The following ARHGAP24 variants were observed in gnomAD, a reference collection of about 807,000 sequenced individuals.
ARHGAP24 encodes the protein rho GTPase-activating protein 24.
A neutral mutation model predicts 76.4 loss-of-function variants in ARHGAP24; 50 were observed. The ratio of observed to expected loss-of-function variants is 0.65; its 90% CI spans 0.52 to 0.83. The LOEUF is 0.83. Ranked by LOEUF, ARHGAP24 falls within the 40% of genes least tolerant of loss-of-function variation. ARHGAP24 has a pLI of 0.00. For missense variants in ARHGAP24, 930 were observed against 914.2 expected (o/e 1.02, Z -0.22); for synonymous variants, 345 against 323.3 (o/e 1.07, Z -0.72).
At chr4:85,494,992 A>G (rs1307636195) in intron 1 of ARHGAP24, among the ~76,000 whole-genome samples, 1 of 149,624 alleles carries the variant, frequency 6.7e-6, no homozygotes, top group Non-Finnish European at 1.5e-5. Flanking sequence ...CAGCTACTCG[A>G]GAGGCTGAGG....
At chr4:85,693,696 A>G (rs888546748) in intron 2 of ARHGAP24, among the ~76,000 whole-genome samples, 3 of 152,200 alleles carry the variant, frequency 2.0e-5, no homozygotes, top group African/African-American at 7.2e-5. Context: ...TAGCCAGGCA[A>G]GGGCCCTGGG....
chr4:86,000,311 C>A (rs999237518), intron 9 of ARHGAP24, 168 bp from the exon 10 acceptor site: 1 of 598,250 alleles, frequency 1.7e-6, no homozygotes, highest in Non-Finnish European at 3.0e-6. Flanking sequence ...TAAAATAATA[C>A]AACAAAATTA....
At chr4:85,839,426 C>T (rs975339407) in intron 3 of ARHGAP24, among the ~76,000 whole-genome samples, 4 of 152,040 alleles carry the variant, frequency 2.6e-5, no homozygotes, top group African/African-American at 9.7e-5. Flanking sequence ...AGCTTTAAAC[C>T]TGAATATGTC....
chr4:85,578,213 G>A (rs924176452), intron 2 of ARHGAP24, among the ~76,000 whole-genome samples: 1 of 152,254 alleles, frequency 6.6e-6, no homozygotes, highest in South Asian at 2.1e-4. Context: ...CTAGTCCCTG[G>A]AAAAATTATG....
intron 3 of ARHGAP24, among the ~76,000 whole-genome samples, chr4:85,858,680 A>G (rs1346705746): frequency 6.6e-6 from 1 of 152,100 alleles, no homozygotes; most frequent in African/African-American, 2.4e-5. Context: ...CTAAGAAGCA[A>G]TGTCTTGTAA....
At chr4:85,874,224 G>C (rs2601863) in intron 3 of ARHGAP24, among the ~76,000 whole-genome samples, 57,890 of 152,004 alleles carry the variant, frequency 0.38, 11,530 homozygotes, top group African/African-American at 0.47. Context: ...TCAGTCCTTC[G>C]CAGCTTTGAA....
intron 4 of ARHGAP24, among the ~76,000 whole-genome samples, chr4:85,933,121 GCCTGGGTT>G (rs1736442419): frequency 6.6e-6 from 1 of 152,070 alleles, no homozygotes. Context: ...TCAAGAAGTG[GCCTGGGTT>G]TCTGCGTTCC....
At chr4:85,618,619 T>C (rs1014195936) in intron 2 of ARHGAP24, among the ~76,000 whole-genome samples, 26 of 152,088 alleles carry the variant, frequency 1.7e-4, no homozygotes, top group Non-Finnish European at 7.4e-5. Context: ...TTCCTTTTTC[T>C]TCACATCCTC....
At chr4:85,977,747 C>T (rs1739427370) in intron 8 of ARHGAP24, 56 bp downstream of exon 8, 1 of 1,594,326 alleles carries the variant, frequency 6.3e-7, no homozygotes, top group Admixed American at 1.7e-5. Context: ...TATCTCTTGA[C>T]TGGCCAGAAT....
intron 1 of ARHGAP24, among the ~76,000 whole-genome samples, chr4:85,487,845 T>A (rs1420333910): frequency 1.3e-4 from 16 of 122,878 alleles, no homozygotes; most frequent in Admixed American, 1.1e-4. Context: ...ATTATATAAA[T>A]ATATATTTAT....
At chr4:85,590,073 C>T (rs909225731) in intron 2 of ARHGAP24, among the ~76,000 whole-genome samples, 3 of 152,054 alleles carry the variant, frequency 2.0e-5, no homozygotes, top group Admixed American at 6.6e-5. Flanking sequence ...ACAGTGAATT[C>T]GTAACACAAA....
intron 1 of ARHGAP24, among the ~76,000 whole-genome samples, chr4:85,507,976 T>A (rs912038541): frequency 6.6e-6 from 1 of 152,276 alleles, no homozygotes; most frequent in South Asian, 2.1e-4. Context: ...AGCTTTGCTG[T>A]CTCGGCCTAT....
intron 2 of ARHGAP24, among the ~76,000 whole-genome samples, chr4:85,573,097 G>C (rs1362486097): frequency 3.3e-5 from 5 of 151,918 alleles, no homozygotes; most frequent in African/African-American, 1.2e-4. Context: ...TGCTGGTCTT[G>C]AACTCCTGAC....
At chr4:85,840,179 T>A (rs531742207) in intron 3 of ARHGAP24, among the ~76,000 whole-genome samples, 2 of 152,192 alleles carry the variant, frequency 1.3e-5, no homozygotes, top group South Asian at 4.1e-4. Flanking sequence ...GTGCCTTTTT[T>A]AAGAAACTCA....
intron 2 of ARHGAP24, among the ~76,000 whole-genome samples, chr4:85,617,632 A>G (rs988751665): frequency 7.9e-5 from 12 of 152,122 alleles, no homozygotes; most frequent in Non-Finnish European, 1.3e-4. Context: ...ATTAGTCCCT[A>G]TTGATGGGGA....
At chr4:85,672,054 T>C (rs1363587077) in intron 2 of ARHGAP24, among the ~76,000 whole-genome samples, 1 of 152,194 alleles carries the variant, frequency 6.6e-6, no homozygotes, top group Non-Finnish European at 1.5e-5. Context: ...TTTCTGTTCC[T>C]AAGGAGGAAA....
chr4:86,000,442 C>CGGGGGGGGGGG, intron 9 of ARHGAP24, 37 bp from the exon 10 acceptor site: 5 of 807,894 alleles, frequency 6.2e-6, no homozygotes, highest in Non-Finnish European at 5.8e-6. Flanking sequence ...CTTACTCTTG[C>CGGGGGGGGGGG]GTCCCCACCC....
At chr4:85,489,592 G>C (rs1171309674) in intron 1 of ARHGAP24, among the ~76,000 whole-genome samples, 3 of 152,184 alleles carry the variant, frequency 2.0e-5, no homozygotes, top group Non-Finnish European at 4.4e-5. Flanking sequence ...CCTTTGTGCA[G>C]CTGAGCTGTG....
At chr4:85,612,791 CCT>C (rs1491375588) in intron 2 of ARHGAP24, among the ~76,000 whole-genome samples, 3 of 82,342 alleles carry the variant, frequency 3.6e-5, no homozygotes, top group Non-Finnish European at 4.6e-5. Context: ...CCTTTCCATT[CCT>C]TTTTTTTTTT....
Sources: gnomAD v4.1 joint callset for allele counts (sites outside exome capture counted in the v4.1 genomes callset) on GRCh38, gnomAD v4.1.1 for gene constraint, MANE v1.5 for transcripts, NCBI Gene and HGNC (gene_info 2026-07-23, HGNC 2026-07-21) for gene names.